Variants in TNIK observed in about 807,000 individuals in gnomAD.
The protein encoded by TNIK is TRAF2 and NCK-interacting protein kinase.
In TNIK, 49 loss-of-function variants were observed where a neutral mutation model predicts 191.3. The observed-to-expected ratio is 0.26, with a 90% confidence interval of 0.20 to 0.32. TNIK has a LOEUF of 0.32. TNIK is among the 10% of genes least tolerant of loss of function. TNIK has a pLI of 1.00. For synonymous variants in TNIK, 594 were observed against 600.9 expected (o/e 0.99, Z 0.17); for missense variants, 1,155 against 1,702.3 (o/e 0.68, Z 5.66).
intron 31 of TNIK, 74 bp from the exon 32 acceptor site, chr3:171,066,400 T>C (rs2108303073): frequency 6.3e-7 from 1 of 1,583,808 alleles, no homozygotes; most frequent in African/African-American, 1.4e-5. Flanking sequence ...GTTCACATCT[T>C]AACCACAAAA....
chr3:171,284,232 G>GA (rs1216415864), intron 2 of TNIK, among the ~76,000 whole-genome samples: 1 of 152,100 alleles, frequency 6.6e-6, no homozygotes, highest in Non-Finnish European at 1.5e-5. Flanking sequence ...ACAATTTCAT[G>GA]AAAAAATAGC....
rs79191731 is a variant in TNIK at position 171,100,368 on chromosome 3, A to T, written c.2591+1081T>A. On this transcript the variant is annotated intron_variant, in intron 22 of 32. Coordinates refer to ENST00000436636, the MANE Select transcript of TNIK (RefSeq NM_015028.4). ...CAGTATGGATTTTTCAGCTACGTTAATTAGATTTGCCTCTTAGAATCGCTT... is the reference window on the plus strand; with the variant it reads ...CAGTATGGATTTTTCAGCTACGTTATTTAGATTTGCCTCTTAGAATCGCTT... Among the ~76,000 whole-genome samples, 1,399 of 152,302 alleles carry T rather than the reference A, an allele frequency of 9.2e-3. 21 individuals are homozygous for T. Among genetic ancestry groups the T allele is most frequent in the African/African-American group, 0.031 (1,283 of 41,576 alleles).
In TNIK at chr3:171,438,031, A is replaced by G. The variant is rs75268637; in HGVS notation, c.57+21976T>C. On this transcript the variant is annotated intron_variant, in intron 1 of 32. Transcript: ENST00000436636. ...CAGTGCTTTTTAGAGTGCATAGAGCAGACATGGGAATATAACTGCTGCACC... is the reference window on the plus strand; with the variant it reads ...CAGTGCTTTTTAGAGTGCATAGAGCGGACATGGGAATATAACTGCTGCACC... Among the ~76,000 whole-genome samples the G allele has an allele frequency of 6.5e-3, 983 of 152,370 alleles. 6 individuals carry two copies. Among genetic ancestry groups the G allele is most frequent in the Non-Finnish European group, 9.9e-3 (676 of 68,040 alleles).
At chr3:171,306,504 A>G (rs1006857534) in intron 2 of TNIK, among the ~76,000 whole-genome samples, 2 of 152,214 alleles carry the variant, frequency 1.3e-5, no homozygotes, top group African/African-American at 4.8e-5. Context: ...GGCAGGTTAT[A>G]GATGCCAGCT....
At chr3:171,211,790 C>T (rs1740864888) in intron 3 of TNIK, among the ~76,000 whole-genome samples, 1 of 152,116 alleles carries the variant, frequency 6.6e-6, no homozygotes. Flanking sequence ...CAGGAGTACC[C>T]ACCTCACCTT....
chr3:171,159,389 G>A lies in TNIK; in HGVS notation c.1017-1725C>T, dbSNP rs989048693. Among the ~76,000 whole-genome samples the A allele has an allele frequency of 3.4e-5, 4 of 116,040 alleles. No homozygotes were observed. Among genetic ancestry groups the A allele is most frequent in the South Asian group, 3.3e-4 (1 of 3,034 alleles). 76.1% of individuals were successfully genotyped at this position (116,040 alleles called of 152,430 possible). On this transcript the variant is annotated intron_variant, in intron 11 of 32. Coordinates refer to ENST00000436636, the MANE Select transcript of TNIK (RefSeq NM_015028.4). This position sits in a 1 kb window ranked among gnomAD's most constrained non-coding sequence, Gnocchi z 4.1. ...GCAGTTAACAAGAGGACCAAGGATCGGTTTTGGAGAGTAGTTAGTGTGCTG... is the reference window on the plus strand; with the variant it reads ...GCAGTTAACAAGAGGACCAAGGATCAGTTTTGGAGAGTAGTTAGTGTGCTG...
chr3:171,313,525 A>G (rs1422018100), intron 2 of TNIK, among the ~76,000 whole-genome samples: 1 of 152,192 alleles, frequency 6.6e-6, no homozygotes, highest in Non-Finnish European at 1.5e-5. Context: ...CAGTTGTTAC[A>G]TAAAAGAGTA....
intron 18 of TNIK, among the ~76,000 whole-genome samples, chr3:171,113,016 G>T (rs1182420903): frequency 6.6e-6 from 1 of 152,108 alleles, no homozygotes; most frequent in Non-Finnish European, 1.5e-5. Flanking sequence ...GTGTATAAAG[G>T]TATGACAGAT....
intron 12 of TNIK, among the ~76,000 whole-genome samples, chr3:171,143,527 G>A (rs990110455): frequency 3.3e-5 from 5 of 152,154 alleles, no homozygotes; most frequent in African/African-American, 1.2e-4. Flanking sequence ...GAAACTTGAG[G>A]GAAAAGACAA....
intron 1 of TNIK, among the ~76,000 whole-genome samples, chr3:171,372,219 G>A (rs76128121): frequency 0.015 from 2,250 of 152,284 alleles, 59 homozygotes; most frequent in African/African-American, 0.051. Context: ...AAACCAAGGA[G>A]GCTTAATGCT....
chr3:171,432,309 G>T (rs908034273), intron 1 of TNIK, among the ~76,000 whole-genome samples: 1 of 152,174 alleles, frequency 6.6e-6, no homozygotes, highest in Non-Finnish European at 1.5e-5. Flanking sequence ...AAAGGTGATA[G>T]AGAGGGAACA....
At position 171,078,107 on chromosome 3, in the gene TNIK, G is replaced by A. The variant is rs943914691; in HGVS notation, c.3448+1411C>T. ...TCTGACAGCTTTGCCAGTTTTGAAG[G>A]CCTTCTCATTTCCCAGGTATTGATA... On this transcript the variant is annotated intron_variant, in intron 28 of 32. Coordinates refer to ENST00000436636, the MANE Select transcript of TNIK (RefSeq NM_015028.4). Among the ~76,000 whole-genome samples the A allele has an allele frequency of 7.9e-5, 12 of 152,004 alleles. No homozygotes were observed. The East Asian group carries it at 2.3e-3, about 29-fold the overall frequency.
chr3:171,248,314 G>A (rs1050610136), intron 2 of TNIK, among the ~76,000 whole-genome samples: 1 of 152,176 alleles, frequency 6.6e-6, no homozygotes, highest in African/African-American at 2.4e-5. Context: ...ACAGGAGAAG[G>A]AACTGAGCAG....
At chr3:171,400,939 G>C (rs1401989978) in intron 1 of TNIK, among the ~76,000 whole-genome samples, 1 of 152,194 alleles carries the variant, frequency 6.6e-6, no homozygotes, top group Admixed American at 6.5e-5. Flanking sequence ...ATACCTGAGT[G>C]ATGTTATAAT....
intron 2 of TNIK, among the ~76,000 whole-genome samples, chr3:171,238,090 T>C (rs1744519780): frequency 6.6e-6 from 1 of 152,200 alleles, no homozygotes; most frequent in Non-Finnish European, 1.5e-5. Context: ...CAGCACAGAC[T>C]GCATTTGCGA....
At chr3:171,284,792 A>G (rs1487011522) in intron 2 of TNIK, among the ~76,000 whole-genome samples, 1 of 152,208 alleles carries the variant, frequency 6.6e-6, no homozygotes. Flanking sequence ...AATATGTATT[A>G]ATACAGTAAT....
At chr3:171,077,844 C>T (rs537256487) in intron 28 of TNIK, among the ~76,000 whole-genome samples, 22 of 151,782 alleles carry the variant, frequency 1.4e-4, no homozygotes, top group Admixed American at 3.9e-4. Context: ...TACATATATA[C>T]AGCTGTATGT....
intron 9 of TNIK, among the ~76,000 whole-genome samples, chr3:171,174,177 C>T (rs759371864): frequency 2.6e-5 from 4 of 152,138 alleles, no homozygotes; most frequent in Admixed American, 1.3e-4. Context: ...TTCCTCTGTT[C>T]CACCAGGGTG....
In TNIK at chr3:171,400,437, T is replaced by C. The variant is rs77208286; in HGVS notation, c.58-30752A>G. On this transcript the variant is annotated intron_variant, in intron 1 of 32. Coordinates refer to ENST00000436636, the MANE Select transcript of TNIK (RefSeq NM_015028.4). Reference sequence around the variant, plus strand: ...ACAAAAAATTGGCTGAGCATGGTAGTGCATTCCTGTAGTCCCAGATACTTG... The same window carrying C: ...ACAAAAAATTGGCTGAGCATGGTAGCGCATTCCTGTAGTCCCAGATACTTG... Among the ~76,000 whole-genome samples the C allele has an allele frequency of 2.6e-3, 400 of 152,112 alleles. 1 individual carries two copies. The highest frequency in any genetic ancestry group is 9.3e-3 in the African/African-American group (384 of 41,492).
Sources: allele counts gnomAD v4.1 joint callset (sites outside exome capture counted in the v4.1 genomes callset), GRCh38; gene constraint gnomAD v4.1.1; non-coding constraint Gnocchi (gnomAD v3.1); transcripts MANE v1.5; gene names NCBI Gene and HGNC (gene_info 2026-07-23, HGNC 2026-07-21).